The following CSMD3 variants were observed in gnomAD, a reference collection of about 807,000 sequenced individuals.
CSMD3 encodes the protein CUB and sushi domain-containing protein 3.
A neutral mutation model predicts 435.2 loss-of-function variants in CSMD3; 177 were observed. The ratio of observed to expected loss-of-function variants is 0.41; its 90% confidence interval spans 0.36 to 0.46. The LOEUF is 0.46. CSMD3 is among the 20% of genes least tolerant of loss of function. The pLI, the probability that CSMD3 is intolerant of heterozygous loss-of-function variation, is 0.34. For synonymous variants in CSMD3, 1,656 were observed against 1,520.5 expected (o/e 1.09, Z -2.07); for missense variants, 4,265 against 4,504.6 (o/e 0.95, Z 1.52).
At chr8:112,737,301 C>G (rs2077207345) in intron 13 of CSMD3, among the ~76,000 whole-genome samples, 1 of 151,930 alleles carries the variant, frequency 6.6e-6, no homozygotes. Flanking sequence ...TTAATTAGCA[C>G]CATTTCAGCA....
intron 12 of CSMD3, among the ~76,000 whole-genome samples, chr8:112,817,239 G>A (rs1270178643): frequency 6.6e-6 from 1 of 151,974 alleles, no homozygotes; most frequent in Non-Finnish European, 1.5e-5. Context: ...TCACATATCT[G>A]GTAGAATTAA....
At chr8:112,496,220 C>T (rs1343263876) in intron 30 of CSMD3, among the ~76,000 whole-genome samples, 7 of 152,064 alleles carry the variant, frequency 4.6e-5, no homozygotes, top group African/African-American at 1.2e-4. Flanking sequence ...CCACCCGCCT[C>T]GGCCTCCCAA....
At chr8:112,835,855 C>T (rs564379804) in intron 11 of CSMD3, among the ~76,000 whole-genome samples, 1 of 151,896 alleles carries the variant, frequency 6.6e-6, no homozygotes, top group Non-Finnish European at 1.5e-5. Context: ...GATTCTATTA[C>T]ATTCCAAGCT....
intron 2 of CSMD3, among the ~76,000 whole-genome samples, chr8:113,299,552 A>G (rs2093748062): frequency 6.6e-6 from 1 of 152,146 alleles, no homozygotes; most frequent in Admixed American, 6.6e-5. Flanking sequence ...GGCTAGAAAA[A>G]CCAGAATGTT....
In CSMD3 at chr8:112,233,684, A is replaced by G. The variant is rs190950455; in HGVS notation, c.10740+681T>C. The stretch of plus-strand genomic sequence containing the variant: ...CCATTAAGTTTTCCTTATGAAAAAA[A>G]GGCTTGGTACTTGAGAGGATACAGT... On this transcript the variant is annotated intron_variant, in intron 68 of 70. Coordinates refer to ENST00000297405, the MANE Select transcript of CSMD3 (RefSeq NM_198123.2). Among the ~76,000 whole-genome samples, 271 of 152,196 alleles carry G rather than the reference A, an allele frequency of 1.8e-3. 1 individual carries two copies. The highest frequency in any genetic ancestry group is 6.3e-3 in the African/African-American group (262 of 41,524).
At chr8:112,345,020 C>T (rs1208413425) in intron 41 of CSMD3, among the ~76,000 whole-genome samples, 1 of 152,010 alleles carries the variant, frequency 6.6e-6, no homozygotes, top group Non-Finnish European at 1.5e-5. Flanking sequence ...CATTATTATA[C>T]ATATCTAATT....
chr8:112,853,224 T>C (rs57560190), intron 11 of CSMD3, among the ~76,000 whole-genome samples: 3,019 of 152,044 alleles, frequency 0.02, 98 homozygotes, highest in African/African-American at 0.069. Context: ...TTCTTTTTTC[T>C]TTTTTTTCTT....
intron 3 of CSMD3, among the ~76,000 whole-genome samples, chr8:113,243,846 T>C (rs1481931559): frequency 6.6e-6 from 1 of 152,198 alleles, no homozygotes; most frequent in Non-Finnish European, 1.5e-5. Flanking sequence ...ATTTGTATTT[T>C]CCCCATAACT....
At chr8:112,520,695 T>A (rs2131010397) in intron 27 of CSMD3, among the ~76,000 whole-genome samples, 1 of 152,098 alleles carries the variant, frequency 6.6e-6, no homozygotes, top group South Asian at 2.1e-4. Flanking sequence ...ATAATAGAAA[T>A]AAAATTTATT....
At chr8:113,239,837 A>G (rs2093193526) in intron 3 of CSMD3, among the ~76,000 whole-genome samples, 1 of 152,174 alleles carries the variant, frequency 6.6e-6, no homozygotes, top group African/African-American at 2.4e-5. Context: ...CTCATGACCT[A>G]AATGTTGGTA....
At chr8:112,305,133 A>G (rs1821303199) in intron 51 of CSMD3, among the ~76,000 whole-genome samples, 1 of 152,212 alleles carries the variant, frequency 6.6e-6, no homozygotes, top group Admixed American at 6.6e-5. Context: ...TCACAATTCA[A>G]TCTTGTACTT....
chr8:112,603,322 A>T (rs1180807454), intron 22 of CSMD3, among the ~76,000 whole-genome samples: 1 of 152,252 alleles, frequency 6.6e-6, no homozygotes, highest in Non-Finnish European at 1.5e-5. Context: ...GAAATTACAC[A>T]AATCAAATTT....
intron 3 of CSMD3, among the ~76,000 whole-genome samples, chr8:113,183,014 C>T (rs945282501): frequency 6.6e-6 from 1 of 151,960 alleles, no homozygotes; most frequent in Non-Finnish European, 1.5e-5. Context: ...GAGGAATATT[C>T]CACAGTTAAA....
At chr8:112,556,261 T>G (rs1169840787) in intron 25 of CSMD3, among the ~76,000 whole-genome samples, 3 of 151,794 alleles carry the variant, frequency 2.0e-5, no homozygotes, top group African/African-American at 7.3e-5. Context: ...AAATGATCAT[T>G]CTCTAGCTTC....
At chr8:113,104,646 C>A (rs1317324371) in intron 4 of CSMD3, among the ~76,000 whole-genome samples, 3 of 151,838 alleles carry the variant, frequency 2.0e-5, no homozygotes, top group African/African-American at 7.3e-5. Context: ...TAATACCTTC[C>A]CAGCTTATGA....
intron 17 of CSMD3, 102 bp from the exon 18 acceptor site, chr8:112,656,443 T>C (rs1294455841): frequency 2.5e-6 from 2 of 807,658 alleles, no homozygotes; most frequent in Non-Finnish European, 3.8e-6. Context: ...AATTTTTCCA[T>C]TTTATATTAT....
At chr8:112,927,722 T>A (rs919369526) in intron 9 of CSMD3, among the ~76,000 whole-genome samples, 3 of 152,166 alleles carry the variant, frequency 2.0e-5, no homozygotes, top group African/African-American at 7.2e-5. Flanking sequence ...CATGTTTTTT[T>A]ATACCTATTG....
chr8:112,480,793 C>A (rs778826583), intron 31 of CSMD3, among the ~76,000 whole-genome samples: 1 of 152,162 alleles, frequency 6.6e-6, no homozygotes, highest in Non-Finnish European at 1.5e-5. Context: ...CTAAATTACC[C>A]AGTTTCAGGT....
intron 10 of CSMD3, among the ~76,000 whole-genome samples, chr8:112,863,010 C>T (rs2080868528): frequency 6.6e-6 from 1 of 151,934 alleles, no homozygotes; most frequent in Non-Finnish European, 1.5e-5. Context: ...TTATTGTTGT[C>T]TCTATTTTTT....
Sources: allele counts gnomAD v4.1 joint callset (sites outside exome capture counted in the v4.1 genomes callset), GRCh38; gene constraint gnomAD v4.1.1; transcripts MANE v1.5; gene names NCBI Gene and HGNC (gene_info 2026-07-23, HGNC 2026-07-21).